CTBP2: variants seen among roughly 807,000 people sequenced by gnomAD.
CTBP2 encodes C-terminal-binding protein 2.
Under a neutral mutation model 80.3 loss-of-function variants are expected in CTBP2, and 30 were observed. That is an observed-to-expected ratio of 0.37 (90% CI 0.28 to 0.51). The LOEUF (loss-of-function observed/expected upper bound fraction) is 0.51, where lower values mean the gene tolerates loss of function less well. Ranked by LOEUF, CTBP2 falls within the 20% of genes least tolerant of loss-of-function variation. CTBP2 has a pLI of 0.93. For synonymous variants in CTBP2, 594 were observed against 587.4 expected (o/e 1.01, Z -0.16); for missense variants, 1,212 against 1,375.3 (o/e 0.88, Z 1.88).
At chr10:125,092,929 C>A (rs566727841) in intron 2 of CTBP2, among the ~76,000 whole-genome samples, 1 of 152,126 alleles carries the variant, frequency 6.6e-6, no homozygotes, top group African/African-American at 2.4e-5. Flanking sequence ...GGGGGCAGCA[C>A]GTGCTTCCTG....
intron 2 of CTBP2, among the ~76,000 whole-genome samples, chr10:125,075,648 A>G (rs117334485): frequency 1.1e-4 from 16 of 152,378 alleles, no homozygotes; most frequent in Middle Eastern, 3.4e-3. Context: ...AGAACAGGCA[A>G]AAGACTTGAC....
intron 2 of CTBP2, among the ~76,000 whole-genome samples, chr10:125,092,169 G>A (rs563062752): frequency 7.2e-6 from 1 of 138,228 alleles, no homozygotes; most frequent in South Asian, 2.3e-4. Flanking sequence ...TTCCTTGTCT[G>A]AAGATTCTTT....
intron 3 of CTBP2, chr10:124,998,749 C>T (rs911539597): frequency 1.2e-5 from 2 of 167,330 alleles, no homozygotes; most frequent in East Asian, 1.6e-4. Flanking sequence ...TGTGCACAAT[C>T]GCCCTGTGGT....
chr10:125,098,696 GAGAGAGAGAGAC>G (rs1850029175), intron 2 of CTBP2, among the ~76,000 whole-genome samples: 27 of 125,350 alleles, frequency 2.2e-4, no homozygotes, highest in Non-Finnish European at 2.7e-4. Context: ...GAGAGAGAGA[GAGAGAGAGAGAC>G]AGAGAGAGAG....
At chr10:125,081,855 G>A (rs1401833099) in intron 2 of CTBP2, among the ~76,000 whole-genome samples, 3 of 151,972 alleles carry the variant, frequency 2.0e-5, no homozygotes, top group Non-Finnish European at 4.4e-5. Context: ...AAAGACAGGC[G>A]GGTCAGGCAG....
chr10:125,050,819 G>C (rs767451250), intron 2 of CTBP2, among the ~76,000 whole-genome samples: 1 of 152,202 alleles, frequency 6.6e-6, no homozygotes, highest in Non-Finnish European at 1.5e-5. Context: ...TTAGTGGAAA[G>C]AGGTTGCTGG....
rs759810385 is a variant in CTBP2 at position 124,984,941 on chromosome 10, G to T, written c.*4577C>A. The stretch of plus-strand genomic sequence containing the variant: ...TTGACCGCTACCGACAGATCCGGCC[G>T]TGTACATCCCTGTCTGATGGAGAGG... On this transcript the variant is annotated 3_prime_UTR_variant, in exon 9 of 9. Coordinates refer to ENST00000309035, the MANE Select transcript of CTBP2 (RefSeq NM_022802.3). The T allele has an allele frequency of 3.1e-6, 5 of 1,613,758 alleles. No individual in the cohort carries two copies. The highest frequency in any genetic ancestry group is 1.7e-5 in the Admixed American group (1 of 59,966).
At position 124,987,887 on chromosome 10, in the gene CTBP2, GATCCATTA is replaced by G. The variant is rs1372069727; in HGVS notation, c.*1623_*1630del. 6.6e-5 allele frequency: 10 copies of G among 152,328 alleles called. No individual in the cohort carries two copies. The East Asian group carries it at 1.9e-3, about 29-fold the overall frequency. The allele number at this position is 152,328 out of a possible 1,614,324, so 9.4% of individuals were successfully genotyped here. On this transcript the variant is annotated 3_prime_UTR_variant, in exon 9 of 9. Coordinates refer to ENST00000309035, the MANE Select transcript of CTBP2 (RefSeq NM_022802.3). ...AAGGTTTAATTCTATTTAAAAAGAAGATCCATTAAATCAAGCTCTTAACTCATGGGACT... is the reference window on the plus strand; with the variant it reads ...AAGGTTTAATTCTATTTAAAAAGAAGAATCAAGCTCTTAACTCATGGGACT...
chr10:125,016,542 C>T (rs4962723), intron 1 of CTBP2, among the ~76,000 whole-genome samples: 42,442 of 152,252 alleles, frequency 0.28, 6,152 homozygotes, highest in African/African-American at 0.35. Flanking sequence ...AAATAACACC[C>T]TCCTCCTTAG....
intron 1 of CTBP2, among the ~76,000 whole-genome samples, chr10:125,008,393 G>C (rs1235727503): frequency 6.6e-6 from 1 of 152,262 alleles, no homozygotes; most frequent in Non-Finnish European, 1.5e-5. Flanking sequence ...ACATACCCCA[G>C]GGTTGCCCCA....
chr10:125,060,446 A>T (rs1964730225), intron 2 of CTBP2, among the ~76,000 whole-genome samples: 1 of 150,432 alleles, frequency 6.6e-6, no homozygotes, highest in Admixed American at 6.6e-5. Flanking sequence ...ACTGGTCATG[A>T]TATTCCATTC....
intron 2 of CTBP2, among the ~76,000 whole-genome samples, chr10:125,096,962 TG>T (rs1447217540): frequency 3.3e-5 from 5 of 152,218 alleles, no homozygotes; most frequent in Non-Finnish European, 5.9e-5. Context: ...GTATCTGTAA[TG>T]AAAAAATAGC....
intron 1 of CTBP2, among the ~76,000 whole-genome samples, chr10:125,005,281 T>C (rs1212648019): frequency 2.0e-5 from 3 of 152,344 alleles, no homozygotes; most frequent in Non-Finnish European, 4.4e-5. Flanking sequence ...CAGCCCCGCA[T>C]GGCCCCCAAG....
intron 1 of CTBP2, among the ~76,000 whole-genome samples, chr10:125,016,978 C>G (rs541398665): frequency 4.6e-5 from 7 of 152,332 alleles, no homozygotes; most frequent in Admixed American, 2.0e-4. Flanking sequence ...GGGGAATGGA[C>G]TGGCCTGCGC....
At chr10:125,046,988 T>C (rs984082204) in intron 2 of CTBP2, among the ~76,000 whole-genome samples, 6 of 152,358 alleles carry the variant, frequency 3.9e-5, no homozygotes, top group East Asian at 1.9e-4. Context: ...ATTTTCCTAA[T>C]TGGTTGTTTG....
chr10:124,993,378 T>C, intron 6 of CTBP2, 49 bp from the exon 9 acceptor site: 1 of 1,574,650 alleles, frequency 6.4e-7, no homozygotes, highest in Non-Finnish European at 8.7e-7. Flanking sequence ...TCGCATACGC[T>C]CCCTGCCCTC....
In CTBP2 at chr10:124,986,834, G is replaced by A. The variant is rs1192489920; in HGVS notation, c.*2684C>T. ...CCCTCCCAATTGAAAAAGCCAAAGA[G>A]AATTGTTAGAGGGAAAAGCATGTAG... On this transcript the variant is annotated 3_prime_UTR_variant, in exon 9 of 9. Coordinates refer to ENST00000309035, the MANE Select transcript of CTBP2 (RefSeq NM_022802.3). The A allele has an allele frequency of 6.6e-6, 1 of 152,186 alleles. No individual in the cohort carries two copies. The highest frequency in any genetic ancestry group is 1.9e-4 in the East Asian group (1 of 5,192). The allele number at this position is 152,186 out of a possible 1,614,324, so 9.4% of individuals were successfully genotyped here. A position where few individuals can be genotyped will look rare whatever the true frequency, so the allele number is the denominator to read the frequency against.
intron 2 of CTBP2, among the ~76,000 whole-genome samples, chr10:125,056,946 T>C (rs7916377): frequency 0.025 from 3,740 of 152,266 alleles, 145 homozygotes; most frequent in African/African-American, 0.077. Context: ...GAGCCCCTCA[T>C]TGCTTTCTCC....
rs1433403323 is a variant in CTBP2, at chr10:125,027,731, A to G, written c.29T>C (p.Ile10Thr). The G allele has an allele frequency of 1.9e-6, 3 of 1,605,436 alleles. No homozygotes were observed. Among genetic ancestry groups the G allele is most frequent in the Middle Eastern group, 1.7e-4 (1 of 6,042 alleles). Residue 10 changes from isoleucine (I) to threonine (T), a missense_variant, in exon 1 of 9, where the codon ATT (isoleucine) becomes ACT (threonine). By Grantham distance (89) the Ile-to-Thr change is moderately conservative (BLOSUM62 -1). Coordinates refer to ENST00000309035, the MANE Select transcript of CTBP2 (RefSeq NM_022802.3). The stretch of plus-strand genomic sequence containing the variant: ...AGCATCCCAGCTCTGAGAACGACCA[A>G]TATTTATATGCCTGCTGGGAACTGG...
Sources: gnomAD v4.1 joint callset for allele counts (sites outside exome capture counted in the v4.1 genomes callset) on GRCh38, gnomAD v4.1.1 for gene constraint, MANE v1.5 for transcripts, NCBI Gene and HGNC (gene_info 2026-07-23, HGNC 2026-07-21) for gene names.